ZNF566: variants seen among roughly 807,000 people sequenced by gnomAD.
ZNF566 encodes the protein zinc finger protein 566.
ZNF566 carries 27 observed loss-of-function variants against 32.8 expected under a neutral mutation model. That is an observed-to-expected ratio of 0.82 (90% CI 0.61 to 1.14). ZNF566 has a LOEUF of 1.14. Among genes scored for constraint, ZNF566 ranks in the 50% most tolerant of loss-of-function variants. The probability of loss-of-function intolerance (pLI) is 0.00; values close to 1 mark genes in which losing one functional copy is unlikely to be tolerated. For synonymous variants in ZNF566, 154 were observed against 159.5 expected (o/e 0.97, Z 0.26); for missense variants, 402 against 490.4 (o/e 0.82, Z 1.70).
chr19:36,461,550 G>T (rs1262680404), intron 4 of ZNF566, among the ~76,000 whole-genome samples: 1 of 152,004 alleles, frequency 6.6e-6, no homozygotes, highest in Non-Finnish European at 1.5e-5. Flanking sequence ...TGCACCTGTA[G>T]TCCCAGCTAC....
rs552586262 is a variant in ZNF566, at chr19:36,449,195, C to T, written c.1039G>A (p.Ala347Thr). The change falls in exon 5 of 5, where the codon GCT (alanine) becomes ACT (threonine). Residue 347 changes from alanine to threonine, a missense_variant. Ala to Thr is a moderately conservative substitution (Grantham distance 58). Around this residue, in one of 3 missense-constraint regions of ZNF566, gnomAD observed 135 missense variants for 210.0 expected, o/e 0.64. Transcript: ENST00000452939. The part of the protein sequence containing the change: ...KPYECKECEK[A>T]FRSGSDLTRH... ...GTAAGGTCTGAGCCAGAACGAAAAG[C>T]CTTTTCACATTCCTTACATTCGTAA... 1.1e-5 allele frequency: 17 copies of T among 1,613,784 alleles called. 1 individual carries two copies. The Admixed American group carries it at 2.0e-4, about 19-fold the overall frequency.
chr19:36,468,738 C>T (rs1474238804), intron 4 of ZNF566, among the ~76,000 whole-genome samples: 1 of 151,614 alleles, frequency 6.6e-6, no homozygotes, highest in East Asian at 1.9e-4. Context: ...CGTGGCAAAA[C>T]CCCGTCTCTA....
intron 1 of ZNF566, among the ~76,000 whole-genome samples, chr19:36,486,671 CAAA>C (rs759281599): frequency 3.7e-5 from 3 of 80,926 alleles, no homozygotes; most frequent in African/African-American, 5.0e-5. Context: ...AACTCTGTCT[CAAA>C]AAAAAAAAAA....
chr19:36,488,992 G>A (rs2967544), intron 1 of ZNF566, among the ~76,000 whole-genome samples: 96,745 of 151,930 alleles, frequency 0.64, 31,391 homozygotes, highest in Non-Finnish European at 0.68. Context: ...ACAAGTGCAC[G>A]CTTACCGAGG....
In ZNF566 at chr19:36,476,582, C is replaced by A; in HGVS notation, c.-25G>T. 6.2e-7 allele frequency: 1 copy of A among 1,613,508 alleles called. No homozygotes were observed. The highest frequency in any genetic ancestry group is 8.5e-7 in the Non-Finnish European group (1 of 1,179,736). On this transcript the variant is annotated 5_prime_UTR_variant, in exon 2 of 5. Transcript: ENST00000452939. ...TGGCTCTGATATTTGTAGAAAAGGA[C>A]CTTCTCTTGGCTCTTCTTTTGGAGA...
intron 1 of ZNF566, among the ~76,000 whole-genome samples, chr19:36,486,655 G>A (rs1350050375): frequency 5.0e-5 from 6 of 120,260 alleles, no homozygotes; most frequent in Non-Finnish European, 6.6e-5. Context: ...TGGGCAGCAA[G>A]AGCGAAACTC....
chr19:36,450,398 C>T (rs2033123220), intron 4 of ZNF566, among the ~76,000 whole-genome samples: 1 of 152,154 alleles, frequency 6.6e-6, no homozygotes. Flanking sequence ...GTAATCCCAG[C>T]ACCTTGGGCG....
At chr19:36,461,041 C>A (rs1568516377) in intron 4 of ZNF566, among the ~76,000 whole-genome samples, 2 of 152,120 alleles carry the variant, frequency 1.3e-5, no homozygotes, top group Non-Finnish European at 2.9e-5. Context: ...CCCTCAGAGT[C>A]TGTGTGAGAG....
intron 4 of ZNF566, among the ~76,000 whole-genome samples, chr19:36,467,789 TCAAAAAAAAAAAAAAAAA>T (rs1568521783): frequency 3.7e-5 from 1 of 26,892 alleles, no homozygotes. Context: ...AGACTCCATC[TCAAAAAAAAAAAAAAAAA>T]AAAAAAAAAA....
intron 1 of ZNF566, among the ~76,000 whole-genome samples, chr19:36,482,099 T>TTTTATTTA (rs930073393): frequency 2.6e-5 from 4 of 152,008 alleles, no homozygotes; most frequent in Non-Finnish European, 4.4e-5. Context: ...CTAAGTTAAT[T>TTTTATTTA]TTTATTTATT....
intron 4 of ZNF566, among the ~76,000 whole-genome samples, chr19:36,452,977 G>A (rs1047622523): frequency 2.0e-5 from 3 of 151,714 alleles, no homozygotes; most frequent in African/African-American, 7.2e-5. Context: ...AATTAGCTGG[G>A]TATGGTGGCG....
At chr19:36,459,757 C>G (rs1304350664) in intron 4 of ZNF566, among the ~76,000 whole-genome samples, 1 of 151,540 alleles carries the variant, frequency 6.6e-6, no homozygotes, top group African/African-American at 2.4e-5. Context: ...GTGATCCACC[C>G]GCCTCGGCCT....
At chr19:36,451,320 A>G (rs1448914432) in intron 4 of ZNF566, among the ~76,000 whole-genome samples, 1 of 152,218 alleles carries the variant, frequency 6.6e-6, no homozygotes, top group Non-Finnish European at 1.5e-5. Context: ...TGAGTGGTAG[A>G]TAGGACTCAT....
Position 36,452,296 on chromosome 19 carries a change from G to A in ZNF566, c.233-2295C>T, listed in dbSNP as rs939163278. ...TACCCATAGAGAAAGAAATGACTAC[G>A]GAATGAGATATGATGAAAAGAAAAA... On this transcript the variant is annotated intron_variant, in intron 4 of 4. Transcript: ENST00000452939. Among the ~76,000 whole-genome samples the A allele has an allele frequency of 1.1e-4, 17 of 151,608 alleles. No individual in the cohort carries two copies. The East Asian group carries it at 2.7e-3, about 24-fold the overall frequency.
Position 36,448,093 on chromosome 19 carries a change from T to C in ZNF566, c.*884A>G, listed in dbSNP as rs1231217962. 2.0e-5 allele frequency: 3 copies of C among 152,170 alleles called. No individual in the cohort carries two copies. The highest frequency in any genetic ancestry group is 2.9e-5 in the Non-Finnish European group (2 of 68,006). The allele number at this position is 152,170 out of a possible 1,614,324, so 9.4% of individuals were successfully genotyped here. ...ATTTTTACTGAGACACGCATGTATATATGAACAGAAAAATGATCAGCAATA... is the reference window on the plus strand; with the variant it reads ...ATTTTTACTGAGACACGCATGTATACATGAACAGAAAAATGATCAGCAATA... On this transcript the variant is annotated 3_prime_UTR_variant, in exon 5 of 5. Coordinates refer to ENST00000452939, the MANE Select transcript of ZNF566 (RefSeq NM_001145344.1).
intron 4 of ZNF566, among the ~76,000 whole-genome samples, chr19:36,453,148 C>CA (rs908626308): frequency 1.4e-5 from 2 of 145,040 alleles, no homozygotes; most frequent in Admixed American, 6.9e-5. Flanking sequence ...AAAAAACAAA[C>CA]AAAAAAAAAG....
Position 36,445,123 on chromosome 19 carries a change from C to A in ZNF566, c.*3854G>T, listed in dbSNP as rs572104780. On this transcript the variant is annotated 3_prime_UTR_variant, in exon 5 of 5. Coordinates refer to ENST00000452939, the MANE Select transcript of ZNF566 (RefSeq NM_001145344.1). ...GGAAAATAAATGAGTCAAAAATTCT[C>A]ATGAAGAAACATCTTTATTTCCAAA... is the stretch of plus-strand genomic sequence containing the variant. 1 of 152,048 alleles carries A rather than the reference C, an allele frequency of 6.6e-6. No individual in the cohort carries two copies. Among genetic ancestry groups the A allele is most frequent in the South Asian group, 2.1e-4 (1 of 4,828 alleles). 9.4% of individuals were successfully genotyped at this position (152,048 alleles called of 1,614,324 possible). A position where few individuals can be genotyped will look rare whatever the true frequency, so the allele number is the denominator to read the frequency against.
chr19:36,454,235 A>G (rs111948268), intron 4 of ZNF566, among the ~76,000 whole-genome samples: 58 of 152,322 alleles, frequency 3.8e-4, no homozygotes, highest in African/African-American at 1.3e-3. Context: ...ATAGACTGTT[A>G]TAACTATGAG....
rs2033063698 is a variant in ZNF566 at position 36,448,951 on chromosome 19, C to T, written c.*26G>A. On this transcript the variant is annotated 3_prime_UTR_variant, in exon 5 of 5. Transcript: ENST00000452939. Reference sequence around the variant, plus strand: ...TTTTGAGCCATAATTAAAAGCCTCCCTACACATTTCATATATTCTGTTTCA... The same window carrying T: ...TTTTGAGCCATAATTAAAAGCCTCCTTACACATTTCATATATTCTGTTTCA... 6.5e-7 allele frequency: 1 copy of T among 1,531,068 alleles called. No individual in the cohort carries two copies. Among genetic ancestry groups the T allele is most frequent in the African/African-American group, 1.4e-5 (1 of 72,176 alleles). The allele number at this position is 1,531,068 out of a possible 1,614,324, so 94.8% of individuals were successfully genotyped here.
Sources: allele counts gnomAD v4.1 joint callset (sites outside exome capture counted in the v4.1 genomes callset), GRCh38; gene constraint gnomAD v4.1.1; regional missense constraint gnomAD v4.1.1; transcripts MANE v1.5; gene names NCBI Gene and HGNC (gene_info 2026-07-23, HGNC 2026-07-21).